NCKAP5L: variants seen among roughly 807,000 people sequenced by gnomAD.
NCKAP5L encodes nck-associated protein 5-like.
NCKAP5L carries 54 observed loss-of-function variants against 103.2 expected under a neutral mutation model. The ratio of observed to expected loss-of-function variants is 0.52; its 90% CI spans 0.42 to 0.66. NCKAP5L has a LOEUF of 0.66. Ranked by LOEUF, NCKAP5L falls within the 30% of genes least tolerant of loss-of-function variation. The probability of loss-of-function intolerance (pLI) is 0.00; values close to 1 mark genes in which losing one functional copy is unlikely to be tolerated. For synonymous variants in NCKAP5L, 762 were observed against 748.6 expected, an observed-to-expected ratio of 1.02 and a Z score of -0.29; for missense variants, 1,733 against 1,750.6, an observed-to-expected ratio of 0.99 and a Z score of 0.18.
intron 1 of NCKAP5L, among the ~76,000 whole-genome samples, chr12:49,823,962 C>G (rs752056356): frequency 6.6e-6 from 1 of 152,178 alleles, no homozygotes; most frequent in Non-Finnish European, 1.5e-5. Flanking sequence ...ACTACAGACA[C>G]AGGCGCCGAG....
Position 49,793,861 on chromosome 12 carries a change from C to T in NCKAP5L, c.3131G>A (p.Arg1044Gln), listed in dbSNP as rs200079521. Residue 1044 changes from arginine (R) to glutamine (Q), a missense_variant, in exon 9 of 13, where the codon CGG (arginine) becomes CAG (glutamine). Transcript: ENST00000335999. ...DGKELPSKSWREPKPEYGDFQ... is the reference protein window; with the variant it reads ...DGKELPSKSWQEPKPEYGDFQ... ...ATCCCCGTACTCAGGCTTGGGCTCC[C>T]GCCAGCTCTTGGATGGCAGCTCCTT... 168 of 1,571,354 alleles carry T rather than the reference C, an allele frequency of 1.1e-4. No individual in the cohort carries two copies. Among genetic ancestry groups the T allele is most frequent in the Non-Finnish European group, 1.3e-4 (150 of 1,159,122 alleles).
Position 49,796,262 on chromosome 12 carries a change from G to T in NCKAP5L, c.1598C>A (p.Thr533Lys). 1 of 1,561,098 alleles carries T rather than the reference G, an allele frequency of 6.4e-7. No individual in the cohort carries two copies. Among genetic ancestry groups the T allele is most frequent in the Non-Finnish European group, 8.7e-7 (1 of 1,153,560 alleles). ...PSPCYTTPDS[T>K]QLRPPQSALS... is the part of the protein sequence containing the mutation. ...GGCTGACTGCGGGGGTCTGAGCTGT[G>T]TGGAGTCTGGGGTTGTGTAGCAGGG... The change falls in exon 8 of 13, where the codon ACA (threonine) becomes AAA (lysine). Residue 533 changes from threonine (T) to lysine (K), a missense_variant. Transcript: ENST00000335999.
At chr12:49,804,427 G>A (rs1475414503) in intron 2 of NCKAP5L, 2 of 156,954 alleles carry the variant, frequency 1.3e-5, no homozygotes, top group South Asian at 2.0e-4. Flanking sequence ...TGCAAACAAA[G>A]ATTAGGTCTG....
intron 1 of NCKAP5L, among the ~76,000 whole-genome samples, chr12:49,813,697 T>C (rs1946265826): frequency 1.3e-5 from 2 of 152,070 alleles, no homozygotes; most frequent in Non-Finnish European, 1.5e-5. Context: ...CTGACTAATT[T>C]TTGTATTTTT....
At chr12:49,806,831 CAG>C (rs1415666321) in intron 1 of NCKAP5L, among the ~76,000 whole-genome samples, 1 of 152,228 alleles carries the variant, frequency 6.6e-6, no homozygotes, top group Non-Finnish European at 1.5e-5. Flanking sequence ...ACTTGTAAAA[CAG>C]GGATAAGAAC....
intron 5 of NCKAP5L, 56 bp from the exon 6 acceptor site, chr12:49,802,023 C>CA (rs1341775606): frequency 6.2e-7 from 1 of 1,600,770 alleles, no homozygotes; most frequent in Non-Finnish European, 8.5e-7. Context: ...GGGAGAGTGT[C>CA]ACAGTGCTCT....
chr12:49,803,786 C>A (rs1230252793), intron 3 of NCKAP5L, 136 bp downstream of exon 3: 2 of 1,177,382 alleles, frequency 1.7e-6, no homozygotes, highest in Admixed American at 5.2e-5. Context: ...GTTCTGCTAG[C>A]CTCCTGCCTG....
intron 1 of NCKAP5L, among the ~76,000 whole-genome samples, chr12:49,821,649 C>T (rs1946363395): frequency 6.6e-6 from 1 of 152,250 alleles, no homozygotes; most frequent in African/African-American, 2.4e-5. Flanking sequence ...AGCACATGTC[C>T]TTTCTTTGCA....
At chr12:49,827,994 G>A (rs1168485690) in intron 1 of NCKAP5L, among the ~76,000 whole-genome samples, 6 of 152,140 alleles carry the variant, frequency 3.9e-5, no homozygotes, top group African/African-American at 9.7e-5. Context: ...TGCTTTCAAA[G>A]AGGGAGGGGA....
rs921169168 is a variant in NCKAP5L, at chr12:49,792,794, C to CG, written c.3532dup (p.Arg1178ProfsTer35). On this transcript the variant is annotated frameshift_variant, in exon 11 of 13. Coordinates refer to ENST00000335999, the MANE Select transcript of NCKAP5L (RefSeq NM_001037806.4). LOFTEE classifies it high-confidence loss of function. This position sits in a 1 kb window ranked among gnomAD's most constrained non-coding sequence, Gnocchi z 4.5. ...CAGCTCCTCTATGCCTGGCACCTCC[C>CG]GCTCCAGTGTGTGGGCGCGGCGGGG... The CG allele has an allele frequency of 1.6e-5, 25 of 1,603,880 alleles. No individual in the cohort carries two copies. The highest frequency in any genetic ancestry group is 2.0e-5 in the Non-Finnish European group (24 of 1,177,020).
intron 1 of NCKAP5L, among the ~76,000 whole-genome samples, chr12:49,815,783 C>T (rs1946289165): frequency 6.6e-6 from 1 of 152,030 alleles, no homozygotes; most frequent in South Asian, 2.1e-4. Context: ...AGTCACCACA[C>T]CCGGCCAGTG....
chr12:49,794,813 G>A lies in NCKAP5L; in HGVS notation c.3047C>T (p.Ala1016Val). ...GGTGTCTGCACCTTGGTACATGCCA[G>A]CCAGCTGGCCCTGCACCTGCCCCAG... ...TGLGQVQGQLAGMYQGADTFM... is the reference protein window; with the variant it reads ...TGLGQVQGQLVGMYQGADTFM... The change falls in exon 8 of 13, where the codon GCT (alanine) becomes GTT (valine). Residue 1016 changes from alanine to valine, a missense_variant. Transcript: ENST00000335999. 6.5e-7 allele frequency: 1 copy of A among 1,544,218 alleles called. No individual in the cohort carries two copies. Among genetic ancestry groups the A allele is most frequent in the East Asian group, 2.4e-5 (1 of 41,544 alleles).
intron 3 of NCKAP5L, 44 bp downstream of exon 3, chr12:49,803,878 G>T (rs750140783): frequency 1.3e-6 from 2 of 1,586,226 alleles, no homozygotes; most frequent in East Asian, 4.5e-5. Context: ...GCCTCCCCAG[G>T]GCTCTGGCTG....
intron 1 of NCKAP5L, among the ~76,000 whole-genome samples, chr12:49,810,115 C>T (rs556563350): frequency 7.3e-5 from 11 of 150,692 alleles, no homozygotes; most frequent in African/African-American, 2.7e-4. Context: ...TCTCCCCTCC[C>T]TCAGAGCCCT....
intron 10 of NCKAP5L, 92 bp downstream of exon 10, chr12:49,793,260 G>T: frequency 7.7e-7 from 1 of 1,299,986 alleles, no homozygotes; most frequent in Non-Finnish European, 1.1e-6. Context: ...CACAGAGCCT[G>T]GCACCTGCTG....
At position 49,796,558 on chromosome 12, in the gene NCKAP5L, G is replaced by T; in HGVS notation, c.1302C>A (p.Leu434=). The part of the protein sequence containing the change: ...PHSSSQVKSK[L]QIGPPSPGEA... Reference sequence around the variant, plus strand: ...CCCCAGGAGAAGGGGGGCCAATTTGGAGCTTGCTTTTCACCTGAGATGAGG... The same window carrying T: ...CCCCAGGAGAAGGGGGGCCAATTTGTAGCTTGCTTTTCACCTGAGATGAGG... Residue 434 remains leucine, a synonymous_variant, in exon 8 of 13, where the codon CTC becomes CTA. Coordinates refer to ENST00000335999, the MANE Select transcript of NCKAP5L (RefSeq NM_001037806.4). The T allele has an allele frequency of 1.3e-6, 2 of 1,598,450 alleles. No homozygotes were observed. The highest frequency in any genetic ancestry group is 1.7e-6 in the Non-Finnish European group (2 of 1,173,394).
At position 49,791,533 on chromosome 12, in the gene NCKAP5L, G is replaced by C. The variant is rs1945933860; in HGVS notation, c.*306C>G. ...AAGCCCAGCACCACAAGATGGCTCA[G>C]CCTGAAGTAGGGACTGGAGGGCTGC... On this transcript the variant is annotated 3_prime_UTR_variant, in exon 13 of 13. Transcript: ENST00000335999. The C allele has an allele frequency of 3.8e-6, 1 of 262,290 alleles. No individual in the cohort carries two copies. Among genetic ancestry groups the C allele is most frequent in the African/African-American group, 2.2e-5 (1 of 45,254 alleles). The allele number at this position is 262,290 out of a possible 1,614,324, so 16.2% of individuals were successfully genotyped here. A position where few individuals can be genotyped will look rare whatever the true frequency, so the allele number is the denominator to read the frequency against.
intron 1 of NCKAP5L, among the ~76,000 whole-genome samples, chr12:49,824,899 G>C (rs1439560209): frequency 6.6e-6 from 1 of 152,214 alleles, no homozygotes; most frequent in Non-Finnish European, 1.5e-5. Context: ...CAGAGCCCCT[G>C]GAGGGTCCTG....
At chr12:49,809,554 C>A (rs907030553) in intron 1 of NCKAP5L, among the ~76,000 whole-genome samples, 1 of 152,158 alleles carries the variant, frequency 6.6e-6, no homozygotes, top group Non-Finnish European at 1.5e-5. Flanking sequence ...GTAACACCAA[C>A]CGCTTCCCTC....
Sources: allele counts gnomAD v4.1 joint callset (sites outside exome capture counted in the v4.1 genomes callset), GRCh38; gene constraint gnomAD v4.1.1; non-coding constraint Gnocchi (gnomAD v3.1); transcripts MANE v1.5; gene names NCBI Gene and HGNC (gene_info 2026-07-23, HGNC 2026-07-21).